Variants in SRGAP3 observed in about 807,000 individuals in gnomAD.
SRGAP3 encodes SLIT-ROBO Rho GTPase-activating protein 3.
A neutral mutation model predicts 121.1 loss-of-function variants in SRGAP3; 39 were observed. The ratio of observed to expected loss-of-function variants is 0.32; its 90% confidence interval spans 0.25 to 0.42. The LOEUF (loss-of-function observed/expected upper bound fraction) is 0.42, where lower values mean the gene tolerates loss of function less well. SRGAP3 is among the 10% of genes least tolerant of loss of function. The pLI is 1.00. For missense variants in SRGAP3, 1,213 were observed against 1,470.6 expected, an observed-to-expected ratio of 0.82 and a Z score of 2.86; for synonymous variants, 601 against 570.0, an observed-to-expected ratio of 1.05 and a Z score of -0.77.
rs1949847755 is a variant in SRGAP3, at chr3:9,141,553, G to GTGTGTGT, written c.68-16637_68-16636insACACACA. Among the ~76,000 whole-genome samples the GTGTGTGT allele has an allele frequency of 6.6e-3, 908 of 138,458 alleles. 22 individuals carry two copies. The highest frequency in any genetic ancestry group is 0.024 in the African/African-American group (868 of 36,466). The allele number at this position is 138,458 out of a possible 152,430, so 90.8% of individuals were successfully genotyped here. A position where few individuals can be genotyped will look rare whatever the true frequency, so the allele number is the denominator to read the frequency against. ...GAAACAAGAAGGATCTGACTTCAGG[G>GTGTGTGT]GTGTGTGTGTGTGTGTGTGTGTGTG... is the stretch of plus-strand genomic sequence containing the variant. On this transcript the variant is annotated intron_variant, in intron 1 of 21. Transcript: ENST00000383836.
At chr3:9,245,527 G>C (rs1382160790) in intron 1 of SRGAP3, among the ~76,000 whole-genome samples, 1 of 152,214 alleles carries the variant, frequency 6.6e-6, no homozygotes, top group Non-Finnish European at 1.5e-5. Flanking sequence ...CCAGTGGGCA[G>C]TCCAAGGGAA....
chr3:9,021,877 G>A (rs1011236557), intron 14 of SRGAP3, among the ~76,000 whole-genome samples: 3 of 151,884 alleles, frequency 2.0e-5, no homozygotes, highest in African/African-American at 7.3e-5. Flanking sequence ...GTCGCTTTGA[G>A]CCCAGGAGTT....
intron 1 of SRGAP3, among the ~76,000 whole-genome samples, chr3:9,173,143 G>A (rs762603033): frequency 5.9e-5 from 9 of 152,226 alleles, no homozygotes; most frequent in Non-Finnish European, 1.0e-4. Flanking sequence ...CCAGCTCTGA[G>A]CTGGGCGCTT....
At chr3:9,159,368 G>C (rs924427641) in intron 1 of SRGAP3, among the ~76,000 whole-genome samples, 4 of 152,124 alleles carry the variant, frequency 2.6e-5, no homozygotes, top group East Asian at 1.9e-4. Flanking sequence ...CCCCCGGCCA[G>C]CTCGCCTGGC....
rs1324094289 is a variant in SRGAP3, at chr3:9,295,718, A to T, written n.442+30292T>A. On this transcript the variant is annotated intron_variant and non_coding_transcript_variant, in intron 3 of 3. Transcript: ENST00000490889. ...ATTAAGTATATTCATATCATTGTGCAACTATCACTACCATCCATCTCCAGA... is the reference window on the plus strand; with the variant it reads ...ATTAAGTATATTCATATCATTGTGCTACTATCACTACCATCCATCTCCAGA... Among the ~76,000 whole-genome samples the T allele has an allele frequency of 2.0e-5, 3 of 152,174 alleles. No individual in the cohort carries two copies. The East Asian group carries it at 5.8e-4, about 29-fold the overall frequency.
chr3:9,273,039 AAG>A (rs1292510413), intron 3 of SRGAP3, among the ~76,000 whole-genome samples: 2 of 152,172 alleles, frequency 1.3e-5, no homozygotes, highest in Non-Finnish European at 2.9e-5. Context: ...GGTTTCACGG[AAG>A]ACAACTTTTC....
At chr3:9,267,169 C>G (rs1954382951) in intron 3 of SRGAP3, among the ~76,000 whole-genome samples, 2 of 152,170 alleles carry the variant, frequency 1.3e-5, no homozygotes, top group Non-Finnish European at 2.9e-5. Flanking sequence ...TTTAGGACAT[C>G]TATGGTATCC....
chr3:9,167,542 T>C (rs2125090381), intron 1 of SRGAP3, among the ~76,000 whole-genome samples: 1 of 152,310 alleles, frequency 6.6e-6, no homozygotes, highest in Middle Eastern at 3.4e-3. Context: ...TTCTGGGAGC[T>C]GAATTCCCTG....
intron 3 of SRGAP3, among the ~76,000 whole-genome samples, chr3:9,294,695 C>CGCGT (rs1553568606): frequency 2.5e-5 from 3 of 119,818 alleles, no homozygotes; most frequent in Non-Finnish European, 3.5e-5. Flanking sequence ...TTGAAGCTTT[C>CGCGT]GTGTGTGTGT....
In SRGAP3 at chr3:9,334,681, T is replaced by C. The variant is rs75701278; in HGVS notation, n.215-4085A>G. Among the ~76,000 whole-genome samples the C allele has an allele frequency of 3.9e-3, 588 of 152,254 alleles. 6 individuals carry two copies. Among genetic ancestry groups the C allele is most frequent in the African/African-American group, 0.014 (572 of 41,548 alleles). On this transcript the variant is annotated intron_variant and non_coding_transcript_variant, in intron 1 of 3. Coordinates refer to the SRGAP3 transcript ENST00000490889. ...ATCCCACTCCATTAGTTTACAGAGT[T>C]TGGCCTTGGTGACTGCCAGGTCTAA... is the stretch of plus-strand genomic sequence containing the variant.
intron 1 of SRGAP3, among the ~76,000 whole-genome samples, chr3:9,145,748 G>A (rs1950001940): frequency 6.6e-6 from 1 of 152,194 alleles, no homozygotes; most frequent in African/African-American, 2.4e-5. Context: ...AGGAAGTAGG[G>A]GAGATGGTAG....
chr3:9,262,456 G>A (rs867571225), intron 3 of SRGAP3, among the ~76,000 whole-genome samples: 2 of 143,248 alleles, frequency 1.4e-5, no homozygotes, highest in African/African-American at 5.2e-5. Flanking sequence ...CTGTATTCAG[G>A]AGACCCATCT....
intron 3 of SRGAP3, among the ~76,000 whole-genome samples, chr3:9,313,315 C>G (rs1955281508): frequency 6.6e-6 from 1 of 152,218 alleles, no homozygotes; most frequent in Non-Finnish European, 1.5e-5. Context: ...ACTTCCAAGT[C>G]CATTAAAAAT....
intron 9 of SRGAP3, among the ~76,000 whole-genome samples, chr3:9,050,865 C>A (rs1945533459): frequency 6.6e-6 from 1 of 152,098 alleles, no homozygotes; most frequent in South Asian, 2.1e-4. Flanking sequence ...TTGACAGGGT[C>A]AAAGAGTGTT....
intron 1 of SRGAP3, among the ~76,000 whole-genome samples, chr3:9,137,772 C>T (rs968914839): frequency 2.0e-5 from 3 of 152,148 alleles, no homozygotes; most frequent in African/African-American, 4.8e-5. Flanking sequence ...TTTCCCATAG[C>T]ATCTGTGCTG....
chr3:9,170,771 C>T (rs982533230), intron 1 of SRGAP3, among the ~76,000 whole-genome samples: 5 of 152,250 alleles, frequency 3.3e-5, no homozygotes, highest in Non-Finnish European at 7.3e-5. Context: ...CCAGGTCACA[C>T]ACCACAGATA....
intron 18 of SRGAP3, among the ~76,000 whole-genome samples, chr3:9,000,260 T>C (rs960870411): frequency 6.6e-6 from 1 of 152,202 alleles, no homozygotes; most frequent in Non-Finnish European, 1.5e-5. Flanking sequence ...ACTCATGGAA[T>C]GGTGGCTGTA....
chr3:9,138,683 G>GA (rs1453549907), intron 1 of SRGAP3, among the ~76,000 whole-genome samples: 1 of 152,088 alleles, frequency 6.6e-6, no homozygotes, highest in Non-Finnish European at 1.5e-5. Context: ...GCCACAAGTG[G>GA]AAAATCCCAC....
At position 8,982,080 on chromosome 3, in the gene SRGAP3, C is replaced by T. The variant is rs930220004; in HGVS notation, c.*3439G>A. The T allele has an allele frequency of 8.8e-6, 2 of 226,172 alleles. No individual in the cohort carries two copies. The highest frequency in any genetic ancestry group is 4.5e-5 in the African/African-American group (2 of 44,940). 14.0% of individuals were successfully genotyped at this position (226,172 alleles called of 1,614,324 possible). ...TGGGGTAGGAAGCACAGCTTGTTCT[C>T]AATTTTATCCAAAAAGCTCTTTAGT... On this transcript the variant is annotated 3_prime_UTR_variant, in exon 22 of 22. Coordinates refer to ENST00000383836, the MANE Select transcript of SRGAP3 (RefSeq NM_014850.4).
Sources: gnomAD v4.1 joint callset for allele counts (sites outside exome capture counted in the v4.1 genomes callset) on GRCh38, gnomAD v4.1.1 for gene constraint, MANE v1.5 for transcripts, NCBI Gene and HGNC (gene_info 2026-07-23, HGNC 2026-07-21) for gene names.